TMEM62: variants seen among roughly 807,000 people sequenced by gnomAD.
TMEM62 encodes the protein transmembrane protein 62.
TMEM62 carries 41 observed loss-of-function variants against 70.4 expected under a neutral mutation model. That is an observed-to-expected ratio of 0.58 (90% CI 0.45 to 0.76). The LOEUF (loss-of-function observed/expected upper bound fraction) is 0.76, where lower values mean the gene tolerates loss of function less well. Ranked by LOEUF, TMEM62 falls within the 30% of genes least tolerant of loss-of-function variation. The probability of loss-of-function intolerance (pLI) is 0.00; values close to 1 mark genes in which losing one functional copy is unlikely to be tolerated. For synonymous variants in TMEM62, 268 were observed against 291.0 expected (o/e 0.92, Z 0.80); for missense variants, 688 against 788.5 (o/e 0.87, Z 1.53).
chr15:43,171,827 C>T (rs2040233538), intron 11 of TMEM62, among the ~76,000 whole-genome samples: 1 of 151,848 alleles, frequency 6.6e-6, no homozygotes, highest in South Asian at 2.1e-4. Context: ...CAGGGTTTCA[C>T]CATGTTAGCC....
intron 5 of TMEM62, 37 bp downstream of exon 5, chr15:43,146,671 T>C: frequency 6.4e-7 from 1 of 1,556,560 alleles, no homozygotes; most frequent in South Asian, 1.2e-5. Flanking sequence ...GTAGCTTACT[T>C]ATTTTTTCAT....
chr15:43,167,030 C>G (rs1000706083), intron 10 of TMEM62, among the ~76,000 whole-genome samples: 2 of 152,182 alleles, frequency 1.3e-5, no homozygotes, highest in African/African-American at 4.8e-5. Flanking sequence ...CATCATGGCC[C>G]GTTCTCAATG....
intron 10 of TMEM62, among the ~76,000 whole-genome samples, chr15:43,166,949 C>A (rs2141927235): frequency 6.6e-6 from 1 of 152,360 alleles, no homozygotes; most frequent in African/African-American, 2.4e-5. Flanking sequence ...TCTACACAGA[C>A]ACGGCAACCA....
intron 3 of TMEM62, among the ~76,000 whole-genome samples, chr15:43,137,273 C>T (rs2035359415): frequency 6.6e-6 from 1 of 152,216 alleles, no homozygotes; most frequent in Admixed American, 6.5e-5. Context: ...CATGAATCCA[C>T]TTCTTGCTGG....
intron 2 of TMEM62, among the ~76,000 whole-genome samples, chr15:43,134,654 T>C (rs547424323): frequency 2.0e-5 from 3 of 152,350 alleles, no homozygotes; most frequent in East Asian, 3.9e-4. Flanking sequence ...TTGTATCTGG[T>C]TTTTGTTCTT....
chr15:43,135,060 G>A (rs929249541), intron 2 of TMEM62, among the ~76,000 whole-genome samples: 5 of 152,232 alleles, frequency 3.3e-5, no homozygotes, highest in African/African-American at 4.8e-5. Flanking sequence ...TTGGTATTTT[G>A]TTGTCCAATT....
chr15:43,156,627 G>GA (rs1035356378), intron 9 of TMEM62, among the ~76,000 whole-genome samples: 23 of 150,238 alleles, frequency 1.5e-4, no homozygotes, highest in Non-Finnish European at 2.4e-4. Context: ...GTTTTATGAA[G>GA]AAAAAAAAAC....
In TMEM62 at chr15:43,133,898, C is replaced by T; in HGVS notation, c.96C>T (p.Pro32=). The T allele has an allele frequency of 1.3e-6, 2 of 1,500,336 alleles. No homozygotes were observed. The highest frequency in any genetic ancestry group is 1.8e-6 in the Non-Finnish European group (2 of 1,132,636). 92.9% of individuals were successfully genotyped at this position (1,500,336 alleles called of 1,614,324 possible). Residue 32 remains proline, a synonymous_variant, in exon 1 of 14, where the codon CCC becomes CCT. Coordinates refer to ENST00000260403, the MANE Select transcript of TMEM62 (RefSeq NM_024956.4). ...AGCACTACGGCCTGGCGGGCCAGCC[C>T]TCGCCGCTGCCGCGCCCCGCGCCCC... ...LLEHYGLAGQ[P]SPLPRPAPPR...
Position 43,154,949 on chromosome 15 carries a change from C to T in TMEM62, c.1182+118C>T, listed in dbSNP as rs926713308. ...CCATGTTTAAAAAAAAACTGGGGGCCGGGCATGGTGGCTCACGCCTGTAAT... is the reference window on the plus strand; with the variant it reads ...CCATGTTTAAAAAAAAACTGGGGGCTGGGCATGGTGGCTCACGCCTGTAAT... On this transcript the variant is annotated intron_variant, in intron 9 of 13. Coordinates refer to ENST00000260403, the MANE Select transcript of TMEM62 (RefSeq NM_024956.4). 37 of 932,962 alleles carry T rather than the reference C, an allele frequency of 4.0e-5. No individual in the cohort carries two copies. In the Admixed American group the frequency reaches 7.7e-4, roughly 19 times the overall value. 57.8% of individuals were successfully genotyped at this position (932,962 alleles called of 1,614,324 possible).
Position 43,184,679 on chromosome 15 carries a change from T to C in TMEM62, c.*93T>C, listed in dbSNP as rs2271963. 16 of 1,188,968 alleles carry C rather than the reference T, an allele frequency of 1.3e-5. No individual in the cohort carries two copies. The East Asian group carries it at 3.8e-4, about 28-fold the overall frequency. 73.7% of individuals were successfully genotyped at this position (1,188,968 alleles called of 1,614,324 possible). A position where few individuals can be genotyped will look rare whatever the true frequency, so the allele number is the denominator to read the frequency against. ...CCCAGTAGCAGGTGGAGGGCCAGGA[T>C]TGGTGGGTGAGCTTTAGGGAGCAGC... On this transcript the variant is annotated 3_prime_UTR_variant, in exon 14 of 14. Transcript: ENST00000260403.
At chr15:43,146,288 A>T (rs2036647854) in intron 4 of TMEM62, 1 of 457,804 alleles carries the variant, frequency 2.2e-6, no homozygotes, top group Non-Finnish European at 3.9e-6. Flanking sequence ...TTGGTTATTG[A>T]ATGAGTTTGC....
At position 43,151,851 on chromosome 15, in the gene TMEM62, T is replaced by C. The variant is rs1356227555; in HGVS notation, c.928T>C (p.Trp310Arg). ...CTTTGCAGATTTGATCTTTGGGAAG[T>C]GGCCTGTGGTTCTTATCACCAATCC... ...FSFADLIFGK[W>R]PVVLITNPKS... is the part of the protein sequence containing the mutation. The change falls in exon 8 of 14, where the codon TGG becomes CGG. Residue 310 changes from tryptophan to arginine, a missense_variant. Trp to Arg is a moderately radical substitution (Grantham distance 101, BLOSUM62 -3). Transcript: ENST00000260403. 1 of 1,613,964 alleles carries C rather than the reference T, an allele frequency of 6.2e-7. No homozygotes were observed. The highest frequency in any genetic ancestry group is 8.5e-7 in the Non-Finnish European group (1 of 1,179,978).
In TMEM62 at chr15:43,164,456, T is replaced by C. The variant is rs534873698; in HGVS notation, c.1296+3662T>C. On this transcript the variant is annotated intron_variant, in intron 10 of 13. Transcript: ENST00000260403. ...GATGATTTCTTTTTTCTTTTCTTTTTTTTTTTTTTTGAGATGGGGTCCTCC... is the reference window on the plus strand; with the variant it reads ...GATGATTTCTTTTTTCTTTTCTTTTCTTTTTTTTTTGAGATGGGGTCCTCC... Among the ~76,000 whole-genome samples the C allele has an allele frequency of 3.0e-4, 46 of 151,756 alleles. No individual in the cohort carries two copies. The South Asian group carries it at 3.9e-3, about 13-fold the overall frequency.
At chr15:43,147,102 T>G (rs2036770748) in intron 5 of TMEM62, among the ~76,000 whole-genome samples, 1 of 152,162 alleles carries the variant, frequency 6.6e-6, no homozygotes. Flanking sequence ...TAGCTAAGAT[T>G]ACAGGCACGT....
intron 11 of TMEM62, among the ~76,000 whole-genome samples, chr15:43,172,093 C>T (rs2040258553): frequency 6.6e-6 from 1 of 152,040 alleles, no homozygotes; most frequent in African/African-American, 2.4e-5. Flanking sequence ...TACTAATAGA[C>T]CCAAGTATGT....
chr15:43,143,103 C>T (rs1042919515), intron 4 of TMEM62, among the ~76,000 whole-genome samples: 1 of 152,042 alleles, frequency 6.6e-6, no homozygotes, highest in Non-Finnish European at 1.5e-5. Flanking sequence ...GCTCTGTTGC[C>T]CAGGCTGGAG....
chr15:43,149,941 G>A (rs1380244393), intron 7 of TMEM62, among the ~76,000 whole-genome samples: 1 of 152,200 alleles, frequency 6.6e-6, no homozygotes, highest in Non-Finnish European at 1.5e-5. Flanking sequence ...AGCATGTAGT[G>A]TAGTTAAATA....
rs767453773 is a variant in TMEM62, at chr15:43,149,097, G to A, written c.812G>A (p.Arg271His). 8.1e-6 allele frequency: 13 copies of A among 1,613,866 alleles called. No homozygotes were observed. The highest frequency in any genetic ancestry group is 1.7e-5 in the Admixed American group (1 of 59,992). Reference sequence around the variant, plus strand: ...GGACTGATGCCTGTTTTGCACACTCGTCACTTCCAGGGCACTTTGGAACTT... The same window carrying A: ...GGACTGATGCCTGTTTTGCACACTCATCACTTCCAGGGCACTTTGGAACTT... ...LGGLMPVLHT[R>H]HFQGTLELEV... The change falls in exon 7 of 14, where the codon CGT (arginine) becomes CAT (histidine). Residue 271 changes from arginine (R) to histidine (H), a missense_variant. Physicochemically the swap from Arg to His is conservative, Grantham distance 29 (BLOSUM62 0). Coordinates refer to ENST00000260403, the MANE Select transcript of TMEM62 (RefSeq NM_024956.4).
In TMEM62 at chr15:43,178,597, T is replaced by C. The variant is rs2041020987; in HGVS notation, c.1382-10T>C. 2 of 1,575,072 alleles carry C rather than the reference T, an allele frequency of 1.3e-6. No individual in the cohort carries two copies. Among genetic ancestry groups the C allele is most frequent in the Non-Finnish European group, 1.7e-6 (2 of 1,148,676 alleles). On this transcript the variant is annotated splice_polypyrimidine_tract_variant and intron_variant, in intron 11 of 13. Transcript: ENST00000260403. ...GTGTTCACTGGGTTTTTCAACTTTA[T>C]GTTTTTTAGAACCTTCAGGGTTTAT...
Sources: allele counts gnomAD v4.1 joint callset (sites outside exome capture counted in the v4.1 genomes callset), GRCh38; gene constraint gnomAD v4.1.1; transcripts MANE v1.5; gene names NCBI Gene and HGNC (gene_info 2026-07-23, HGNC 2026-07-21).